CADM1: variants seen among roughly 807,000 people sequenced by gnomAD.
CADM1 encodes the protein cell adhesion molecule 1.
A neutral mutation model predicts 53.1 loss-of-function variants in CADM1; 15 were observed. That is an observed-to-expected ratio of 0.28 (90% CI 0.19 to 0.44). The LOEUF is 0.44. CADM1 is among the 20% of genes least tolerant of loss of function. CADM1 has a pLI of 1.00. For missense variants in CADM1, 434 were observed against 611.3 expected, an observed-to-expected ratio of 0.71 and a Z score of 3.06; for synonymous variants, 281 against 243.0, an observed-to-expected ratio of 1.16 and a Z score of -1.45.
chr11:115,398,992 A>G (rs1947070278), intron 1 of CADM1: 2 of 152,222 alleles, frequency 1.3e-5, no homozygotes, highest in Admixed American at 1.3e-4. Context: ...GCTGGAAAGA[A>G]GAAATGAGCA....
intron 8 of CADM1, among the ~76,000 whole-genome samples, chr11:115,205,610 C>G (rs927911158): frequency 6.6e-6 from 1 of 152,066 alleles, no homozygotes; most frequent in Non-Finnish European, 1.5e-5. Flanking sequence ...TTAAATTATG[C>G]AATTTATGCT....
intron 1 of CADM1, among the ~76,000 whole-genome samples, chr11:115,332,775 G>A (rs73578108): frequency 0.037 from 5,663 of 152,092 alleles, 336 homozygotes; most frequent in African/African-American, 0.13. Context: ...TAAATTTAAA[G>A]TCCTTGAGAA....
At chr11:115,197,507 T>G (rs190244814) in intron 9 of CADM1, among the ~76,000 whole-genome samples, 232 of 152,312 alleles carry the variant, frequency 1.5e-3, no homozygotes, top group African/African-American at 5.2e-3. Flanking sequence ...TAAAGTAATA[T>G]ACAGATGAAA....
chr11:115,489,873 T>C (rs746092582), intron 1 of CADM1, among the ~76,000 whole-genome samples: 1 of 152,224 alleles, frequency 6.6e-6, no homozygotes, highest in Non-Finnish European at 1.5e-5. Flanking sequence ...ACTAGCCATA[T>C]ACATTAAGGT....
At chr11:115,418,510 C>T (rs1285996976) in intron 1 of CADM1, among the ~76,000 whole-genome samples, 9 of 152,154 alleles carry the variant, frequency 5.9e-5, no homozygotes, top group African/African-American at 2.4e-5. Flanking sequence ...CTAAGCTCTA[C>T]AGCAGAATCT....
intron 1 of CADM1, among the ~76,000 whole-genome samples, chr11:115,282,714 A>G (rs1943621210): frequency 6.6e-6 from 1 of 152,226 alleles, no homozygotes; most frequent in African/African-American, 2.4e-5. Flanking sequence ...GTTTCTGGTC[A>G]ACACATCTTC....
chr11:115,473,995 T>TA (rs1949071503), intron 1 of CADM1, among the ~76,000 whole-genome samples: 2 of 152,064 alleles, frequency 1.3e-5, no homozygotes, highest in South Asian at 2.1e-4. Flanking sequence ...GCCTAGTTTT[T>TA]AAAAAATAGG....
chr11:115,251,831 T>C (rs2134975811), intron 1 of CADM1, among the ~76,000 whole-genome samples: 1 of 152,324 alleles, frequency 6.6e-6, no homozygotes, highest in Non-Finnish European at 1.5e-5. Flanking sequence ...GAAAGCTCTT[T>C]TAAGCCACAG....
intron 1 of CADM1, among the ~76,000 whole-genome samples, chr11:115,503,266 A>T (rs1056318283): frequency 1.3e-5 from 2 of 152,188 alleles, no homozygotes; most frequent in Non-Finnish European, 2.9e-5. Flanking sequence ...CGCCCGGCAC[A>T]CGGGCAGCCA....
intron 1 of CADM1, among the ~76,000 whole-genome samples, chr11:115,341,950 T>G (rs1268046880): frequency 6.6e-6 from 1 of 152,154 alleles, no homozygotes; most frequent in African/African-American, 2.4e-5. Context: ...ACAAACTGGA[T>G]CAGAATACAA....
chr11:115,478,011 A>G (rs1565446935), intron 1 of CADM1, among the ~76,000 whole-genome samples: 1 of 152,236 alleles, frequency 6.6e-6, no homozygotes, highest in Non-Finnish European at 1.5e-5. Context: ...GAATTAAGTC[A>G]AAAAGGTAAT....
At chr11:115,476,051 C>G (rs1170934063) in intron 1 of CADM1, among the ~76,000 whole-genome samples, 1 of 152,112 alleles carries the variant, frequency 6.6e-6, no homozygotes, top group Admixed American at 6.6e-5. Flanking sequence ...GTAACTTGCT[C>G]ATAGTAAGCA....
At chr11:115,368,430 ACTT>A (rs139009230) in intron 1 of CADM1, among the ~76,000 whole-genome samples, 3,091 of 152,176 alleles carry the variant, frequency 0.02, 126 homozygotes, top group African/African-American at 0.069. Flanking sequence ...TTTACCAGTA[ACTT>A]CTTCAAGCAT....
At chr11:115,503,569 C>G (rs937175840) in intron 1 of CADM1, among the ~76,000 whole-genome samples, 4 of 152,186 alleles carry the variant, frequency 2.6e-5, no homozygotes, top group South Asian at 4.1e-4. Flanking sequence ...CCGCCCCCCC[C>G]GCGGGGCCGG....
At chr11:115,378,282 A>G (rs1946489024) in intron 1 of CADM1, among the ~76,000 whole-genome samples, 2 of 152,134 alleles carry the variant, frequency 1.3e-5, no homozygotes, top group South Asian at 4.2e-4. Context: ...TGAAAATGAG[A>G]TAAGTCAATT....
At chr11:115,306,072 C>CCACACACACCCACACA (rs1555060500) in intron 1 of CADM1, among the ~76,000 whole-genome samples, 2 of 130,390 alleles carry the variant, frequency 1.5e-5, no homozygotes, top group African/African-American at 2.9e-5. Flanking sequence ...AGGATATATA[C>CCACACACACCCACACA]CACACACACA....
At chr11:115,250,941 C>T (rs995938084) in intron 1 of CADM1, among the ~76,000 whole-genome samples, 4 of 152,112 alleles carry the variant, frequency 2.6e-5, no homozygotes, top group Admixed American at 1.3e-4. Context: ...ATAAGCTTTA[C>T]GATGCTAAAA....
chr11:115,296,049 C>T (rs1366576110), intron 1 of CADM1, among the ~76,000 whole-genome samples: 1 of 152,106 alleles, frequency 6.6e-6, no homozygotes, highest in African/African-American at 2.4e-5. Flanking sequence ...CTCCTAGGTA[C>T]AAGTGATCCT....
At chr11:115,300,164 C>G (rs536421331) in intron 1 of CADM1, among the ~76,000 whole-genome samples, 21 of 152,196 alleles carry the variant, frequency 1.4e-4, no homozygotes, top group Non-Finnish European at 2.5e-4. Context: ...ACATACAACT[C>G]TCAGTACTGT....
Sources: allele counts gnomAD v4.1 joint callset (sites outside exome capture counted in the v4.1 genomes callset), GRCh38; gene constraint gnomAD v4.1.1; transcripts MANE v1.5; gene names NCBI Gene and HGNC (gene_info 2026-07-23, HGNC 2026-07-21).